The following ACADSB variants were observed in gnomAD, a reference collection of about 807,000 sequenced individuals.
ACADSB encodes the protein acyl-CoA dehydrogenase short/branched chain, also known as short/branched chain specific acyl-CoA dehydrogenase, mitochondrial.
Under a neutral mutation model 54.1 loss-of-function variants are expected in ACADSB, and 40 were observed. The observed-to-expected ratio is 0.74, with a 90% CI of 0.57 to 0.96. ACADSB has a LOEUF of 0.96. ACADSB is among the 40% of genes least tolerant of loss of function. The pLI, the probability that ACADSB is intolerant of heterozygous loss-of-function variation, is 0.00. For missense variants in ACADSB, 530 were observed against 510.4 expected (o/e 1.04, Z -0.37); for synonymous variants, 182 against 182.8 (o/e 1.00, Z 0.03).
Position 123,041,309 on chromosome 10 carries a change from C to T in ACADSB, c.611C>T (p.Ser204Leu). ...KEGDYYVLNG[S>L]KMWISSAEHA... ...GGAGATTATTATGTCCTCAATGGATCAAAGATGTGGATCAGCAGTGCTGAG... is the reference window on the plus strand; with the variant it reads ...GGAGATTATTATGTCCTCAATGGATTAAAGATGTGGATCAGCAGTGCTGAG... The change falls in exon 5 of 11, where the codon TCA becomes TTA. Residue 204 changes from serine to leucine, a missense_variant. By Grantham distance (145) the Ser-to-Leu change is moderately radical. Transcript: ENST00000358776. The T allele has an allele frequency of 1.2e-6, 2 of 1,614,174 alleles. No individual in the cohort carries two copies. The highest frequency in any genetic ancestry group is 1.7e-6 in the Non-Finnish European group (2 of 1,180,010).
chr10:123,013,246 G>C (rs1470386488), intron 1 of ACADSB, among the ~76,000 whole-genome samples: 1 of 152,054 alleles, frequency 6.6e-6, no homozygotes, highest in African/African-American at 2.4e-5. Context: ...GATTCTTCAA[G>C]TCACCACCAG....
intron 1 of ACADSB, among the ~76,000 whole-genome samples, chr10:123,015,194 T>C (rs974188959): frequency 2.0e-5 from 3 of 152,262 alleles, no homozygotes; most frequent in African/African-American, 7.2e-5. Flanking sequence ...TGGCAGTTAC[T>C]TTGCACATGC....
rs1325048737 is a variant in ACADSB at position 123,057,500 on chromosome 10, T to C, written c.*3735T>C. On this transcript the variant is annotated 3_prime_UTR_variant, in exon 11 of 11. Coordinates refer to ENST00000358776, the MANE Select transcript of ACADSB (RefSeq NM_001609.4). ...TTTAAAACTATCTATCTTGCATTTGTGTCTGGCGGAGAACTAGCCATCAGC... is the reference window on the plus strand; with the variant it reads ...TTTAAAACTATCTATCTTGCATTTGCGTCTGGCGGAGAACTAGCCATCAGC... 1 of 152,200 alleles carries C rather than the reference T, an allele frequency of 6.6e-6. No individual in the cohort carries two copies. The highest frequency in any genetic ancestry group is 1.5e-5 in the Non-Finnish European group (1 of 68,032). The allele number at this position is 152,200 out of a possible 1,614,324, so 9.4% of individuals were successfully genotyped here.
intron 2 of ACADSB, among the ~76,000 whole-genome samples, chr10:123,037,114 G>A (rs1428455466): frequency 6.6e-6 from 1 of 152,190 alleles, no homozygotes; most frequent in African/African-American, 2.4e-5. Context: ...AGAAGTAGGG[G>A]ACGCTCCTGG....
chr10:123,022,070 G>A (rs1485447208), intron 1 of ACADSB, among the ~76,000 whole-genome samples: 2 of 152,182 alleles, frequency 1.3e-5, no homozygotes, highest in South Asian at 2.1e-4. Flanking sequence ...GGCCTTTTAA[G>A]TATACATATA....
At chr10:123,013,904 C>G (rs1850078045) in intron 1 of ACADSB, among the ~76,000 whole-genome samples, 2 of 152,334 alleles carry the variant, frequency 1.3e-5, no homozygotes, top group Admixed American at 6.5e-5. Context: ...TCCCCGCAAG[C>G]CGAGGGAGCT....
At chr10:123,045,158 TATATATATATA>T (rs1405594310) in intron 7 of ACADSB, among the ~76,000 whole-genome samples, 182 of 15,468 alleles carry the variant, frequency 0.012, 4 homozygotes, top group African/African-American at 0.032. Flanking sequence ...TATATATATA[TATATATATATA>T]TATTTTTTTT....
chr10:123,009,210 C>G, intron 1 of ACADSB, 139 bp downstream of exon 1: 1 of 1,001,674 alleles, frequency 1.0e-6, no homozygotes, highest in Non-Finnish European at 1.5e-6. Flanking sequence ...GACTCTTTAC[C>G]CGCGGGCAGT....
intron 5 of ACADSB, among the ~76,000 whole-genome samples, chr10:123,041,741 G>T (rs1421475896): frequency 6.6e-6 from 1 of 152,122 alleles, no homozygotes; most frequent in Non-Finnish European, 1.5e-5. Context: ...ATTATGTTAG[G>T]TATCAGATAA....
intron 2 of ACADSB, among the ~76,000 whole-genome samples, chr10:123,037,138 C>T (rs913608193): frequency 2.6e-4 from 39 of 152,180 alleles, no homozygotes; most frequent in African/African-American, 8.7e-4. Context: ...CTAGTGGGGC[C>T]GTGGCCGGGC....
chr10:123,048,682 G>A (rs10902867), intron 8 of ACADSB, among the ~76,000 whole-genome samples: 149,631 of 152,148 alleles, frequency 0.98, 73,634 homozygotes, highest in Middle Eastern at 1. Context: ...TGGATAGTTA[G>A]AAGAACACTT....
intron 5 of ACADSB, among the ~76,000 whole-genome samples, chr10:123,041,872 C>T (rs1850479145): frequency 6.6e-6 from 1 of 152,080 alleles, no homozygotes; most frequent in African/African-American, 2.4e-5. Flanking sequence ...CCTGGAACCA[C>T]TCCGCCACAG....
chr10:123,034,681 T>C (rs574192856), intron 2 of ACADSB, among the ~76,000 whole-genome samples, 166 bp downstream of exon 2: 4 of 152,322 alleles, frequency 2.6e-5, no homozygotes, highest in Non-Finnish European at 4.4e-5. Context: ...GGTCATGAAT[T>C]GGGTCTACAA....
At chr10:123,018,845 C>T (rs1850141146) in intron 1 of ACADSB, among the ~76,000 whole-genome samples, 1 of 152,036 alleles carries the variant, frequency 6.6e-6, no homozygotes, top group Non-Finnish European at 1.5e-5. Flanking sequence ...ACGAGAACAA[C>T]ACAGGAACAA....
intron 1 of ACADSB, among the ~76,000 whole-genome samples, chr10:123,027,159 A>G (rs1333496237): frequency 1.3e-5 from 2 of 152,224 alleles, no homozygotes; most frequent in Non-Finnish European, 2.9e-5. Context: ...AAAGTCAGGC[A>G]TGTAAACCAC....
At chr10:123,038,857 G>A (rs562496556) in intron 3 of ACADSB, among the ~76,000 whole-genome samples, 1 of 152,186 alleles carries the variant, frequency 6.6e-6, no homozygotes, top group Non-Finnish European at 1.5e-5. Context: ...AGAACAGATG[G>A]ACTCTGTGAG....
intron 1 of ACADSB, among the ~76,000 whole-genome samples, chr10:123,018,299 C>T (rs1049804102): frequency 6.6e-6 from 1 of 152,044 alleles, no homozygotes; most frequent in African/African-American, 2.4e-5. Flanking sequence ...TTGACTTGGC[C>T]AAGGTCACAC....
In ACADSB at chr10:123,010,624, A is replaced by C. The variant is rs142133794; in HGVS notation, c.42+1553A>C. On this transcript the variant is annotated intron_variant, in intron 1 of 10. Transcript: ENST00000358776. ...TCAGTTTCCTGGTCTGTAAATGGAGAGAATAATTGTGCGTATTCCAAAATT... is the reference window on the plus strand; with the variant it reads ...TCAGTTTCCTGGTCTGTAAATGGAGCGAATAATTGTGCGTATTCCAAAATT... Among the ~76,000 whole-genome samples the C allele has an allele frequency of 1.1e-4, 16 of 152,254 alleles. 2 individuals carry two copies. Among genetic ancestry groups the C allele is most frequent in the African/African-American group, 3.9e-4 (16 of 41,538 alleles).
chr10:123,009,135 T>G, intron 1 of ACADSB, 64 bp downstream of exon 1: 5 of 1,509,476 alleles, frequency 3.3e-6, no homozygotes, highest in Non-Finnish European at 4.5e-6. Flanking sequence ...GAATCGCAGC[T>G]GGCAGAGCCT....
Sources: allele counts gnomAD v4.1 joint callset (sites outside exome capture counted in the v4.1 genomes callset), GRCh38; gene constraint gnomAD v4.1.1; transcripts MANE v1.5; gene names NCBI Gene and HGNC (gene_info 2026-07-23, HGNC 2026-07-21).